NHSL1: variants seen among roughly 807,000 people sequenced by gnomAD.
NHSL1 encodes the protein NHS-like protein 1.
Under a neutral mutation model 95.0 loss-of-function variants are expected in NHSL1, and 48 were observed. The observed-to-expected ratio is 0.51, with a 90% CI of 0.40 to 0.64. The LOEUF (loss-of-function observed/expected upper bound fraction) is 0.64, where lower values mean the gene tolerates loss of function less well. NHSL1 is among the 30% of genes least tolerant of loss of function. The probability of loss-of-function intolerance (pLI) is 0.00; values close to 1 mark genes in which losing one functional copy is unlikely to be tolerated. For synonymous variants in NHSL1, 783 were observed against 833.9 expected, an observed-to-expected ratio of 0.94 and a Z score of 1.05; for missense variants, 1,971 against 2,077.7, an observed-to-expected ratio of 0.95 and a Z score of 1.00.
intron 2 of NHSL1, among the ~76,000 whole-genome samples, chr6:138,494,555 T>C (rs1780240212): frequency 6.6e-6 from 1 of 152,150 alleles, no homozygotes; most frequent in Non-Finnish European, 1.5e-5. Context: ...GTTTAATAAA[T>C]GTTATCAGTC....
At chr6:138,592,037 G>A (rs753634503) in intron 1 of NHSL1, among the ~76,000 whole-genome samples, 1 of 152,020 alleles carries the variant, frequency 6.6e-6, no homozygotes, top group Non-Finnish European at 1.5e-5. Context: ...TGTTTTTTGG[G>A]TTTTTTGCTC....
chr6:138,679,067 C>T (rs1457662653), intron 1 of NHSL1, among the ~76,000 whole-genome samples: 1 of 152,152 alleles, frequency 6.6e-6, no homozygotes, highest in African/African-American at 2.4e-5. Flanking sequence ...AGAGGAGCAG[C>T]AGATCTAAGC....
intron 3 of NHSL1, among the ~76,000 whole-genome samples, chr6:138,469,587 T>A (rs567004067): frequency 6.6e-6 from 1 of 152,054 alleles, no homozygotes; most frequent in East Asian, 1.9e-4. Context: ...CAGCTGGGCG[T>A]GGTGATGTGT....
chr6:138,548,680 C>T (rs1782895207), upstream of NHSL1, among the ~76,000 whole-genome samples: 1 of 152,152 alleles, frequency 6.6e-6, no homozygotes, highest in Non-Finnish European at 1.5e-5. Flanking sequence ...TCTAAGGTTC[C>T]ATCTTAACTC....
chr6:138,473,728 T>C (rs1778896940), intron 2 of NHSL1, among the ~76,000 whole-genome samples: 1 of 152,052 alleles, frequency 6.6e-6, no homozygotes, highest in African/African-American at 2.4e-5. Flanking sequence ...TCACAGGACA[T>C]TGAAGTTTAG....
intron 1 of NHSL1, among the ~76,000 whole-genome samples, chr6:138,561,683 C>T (rs570380789): frequency 1.5e-4 from 23 of 152,226 alleles, no homozygotes; most frequent in African/African-American, 4.3e-4. Context: ...ACGATGTGCC[C>T]GCCACATGAG....
chr6:138,491,650 T>C (rs1226958541), intron 2 of NHSL1, among the ~76,000 whole-genome samples: 6 of 152,222 alleles, frequency 3.9e-5, no homozygotes, highest in Non-Finnish European at 7.3e-5. Flanking sequence ...TCACAGATAA[T>C]GGGATCCATC....
intron 2 of NHSL1, among the ~76,000 whole-genome samples, chr6:138,489,972 GA>G (rs1181154892): frequency 5.8e-5 from 6 of 103,946 alleles, no homozygotes; most frequent in African/African-American, 2.0e-4. Flanking sequence ...GAGAGGGGGA[GA>G]GGGGGAGAGG....
chr6:138,425,086 A>G (rs1775174395), intron 7 of NHSL1, among the ~76,000 whole-genome samples: 1 of 152,076 alleles, frequency 6.6e-6, no homozygotes. Context: ...AAGAAAAAGT[A>G]ATAAATGCAT....
chr6:138,679,807 G>T (rs535863415), intron 1 of NHSL1, among the ~76,000 whole-genome samples: 3 of 152,228 alleles, frequency 2.0e-5, no homozygotes, highest in South Asian at 2.1e-4. Context: ...AATAGCTCAT[G>T]ATATAAGCTA....
chr6:138,651,891 AC>A (rs1192190881), intron 1 of NHSL1, among the ~76,000 whole-genome samples: 1 of 152,222 alleles, frequency 6.6e-6, no homozygotes, highest in East Asian at 1.9e-4. Context: ...ATTATTTCAC[AC>A]TTTTTTGGGG....
intron 1 of NHSL1, among the ~76,000 whole-genome samples, chr6:138,669,204 A>T (rs1052686465): frequency 4.6e-5 from 7 of 152,154 alleles, no homozygotes; most frequent in Non-Finnish European, 1.0e-4. Flanking sequence ...AAAGGGGGCG[A>T]ACTGAACACA....
chr6:138,683,078 TG>T (rs1785534313), intron 1 of NHSL1, among the ~76,000 whole-genome samples: 2 of 151,838 alleles, frequency 1.3e-5, no homozygotes, highest in African/African-American at 4.8e-5. Context: ...CAGGAGGAAA[TG>T]GGGGCGAGAG....
intron 2 of NHSL1, among the ~76,000 whole-genome samples, chr6:138,474,385 TGACATCAGGATCCATGATTCTTCCTCAA>T (rs1778941594): frequency 6.6e-6 from 1 of 152,148 alleles, no homozygotes; most frequent in Non-Finnish European, 1.5e-5. Context: ...AGTTCCTTTC[TGACATCAGGATCCATGATTCTTCCTCAA>T]AGAGGAGACG....
chr6:138,554,383 T>C (rs1363439964), intron 1 of NHSL1, among the ~76,000 whole-genome samples: 1 of 152,174 alleles, frequency 6.6e-6, no homozygotes, highest in Non-Finnish European at 1.5e-5. Flanking sequence ...GTAAAAACCA[T>C]AACCAACCTT....
At chr6:138,512,212 A>C (rs2128301444) in intron 1 of NHSL1, 1 of 447,148 alleles carries the variant, frequency 2.2e-6, no homozygotes, top group East Asian at 7.1e-5. Flanking sequence ...ATGTTTATGC[A>C]CAATCATTTT....
chr6:138,465,784 C>G (rs1172783770), intron 3 of NHSL1, among the ~76,000 whole-genome samples: 1 of 143,516 alleles, frequency 7.0e-6, no homozygotes, highest in African/African-American at 2.6e-5. Context: ...AGTGCAGGGG[C>G]ATGATCTTGG....
At chr6:138,658,987 G>T (rs1785190864) in intron 1 of NHSL1, among the ~76,000 whole-genome samples, 1 of 151,334 alleles carries the variant, frequency 6.6e-6, no homozygotes, top group African/African-American at 2.4e-5. Context: ...GACATATACT[G>T]ACAAAGGGCA....
intron 3 of NHSL1, among the ~76,000 whole-genome samples, chr6:138,466,041 T>TTGG (rs1554229050): frequency 4.8e-5 from 6 of 125,608 alleles, no homozygotes; most frequent in East Asian, 5.3e-4. Context: ...CACTCCTTTT[T>TTGG]GGGGGGGGGG....
Sources: gnomAD v4.1 joint callset for allele counts (sites outside exome capture counted in the v4.1 genomes callset) on GRCh38, gnomAD v4.1.1 for gene constraint, MANE v1.5 for transcripts, NCBI Gene and HGNC (gene_info 2026-07-23, HGNC 2026-07-21) for gene names.